The following FAM13A variants were observed in gnomAD, a reference collection of about 807,000 sequenced individuals.
FAM13A encodes the protein protein FAM13A.
FAM13A carries 76 observed loss-of-function variants against 129.6 expected under a neutral mutation model. The ratio of observed to expected loss-of-function variants is 0.59; its 90% confidence interval spans 0.49 to 0.71. The LOEUF is 0.71. FAM13A is among the 30% of genes least tolerant of loss of function. FAM13A has a pLI of 0.00. For synonymous variants in FAM13A, 443 were observed against 449.9 expected (o/e 0.98, Z 0.20); for missense variants, 1,108 against 1,249.3 (o/e 0.89, Z 1.70).
intron 4 of FAM13A, among the ~76,000 whole-genome samples, chr4:88,969,926 G>T (rs1358718101): frequency 1.3e-5 from 2 of 152,052 alleles, no homozygotes; most frequent in Non-Finnish European, 2.9e-5. Flanking sequence ...CTCTCTGTAG[G>T]GCTGACTTCT....
At chr4:88,754,310 A>G (rs1743202638) in intron 14 of FAM13A, among the ~76,000 whole-genome samples, 1 of 152,204 alleles carries the variant, frequency 6.6e-6, no homozygotes, top group African/African-American at 2.4e-5. Context: ...TCCAGTTCAG[A>G]CACTATAGTA....
chr4:88,773,665 T>C (rs1426060617), intron 11 of FAM13A, among the ~76,000 whole-genome samples: 1 of 152,138 alleles, frequency 6.6e-6, no homozygotes, highest in Non-Finnish European at 1.5e-5. Flanking sequence ...ACTCAGTCCT[T>C]TGGTGTCAGC....
chr4:88,844,711 T>TCCTA (rs1471556243), intron 7 of FAM13A, among the ~76,000 whole-genome samples: 1 of 152,112 alleles, frequency 6.6e-6, no homozygotes, highest in East Asian at 1.9e-4. Context: ...CCTTGTAGGC[T>TCCTA]AGGCACAAGA....
chr4:88,925,454 G>A (rs561045354), intron 5 of FAM13A, among the ~76,000 whole-genome samples: 1 of 150,140 alleles, frequency 6.7e-6, no homozygotes, highest in South Asian at 2.1e-4. Context: ...CTATCGCAAG[G>A]ACAAAAAACC....
chr4:88,839,968 A>G (rs1735540733), intron 7 of FAM13A, among the ~76,000 whole-genome samples: 1 of 152,242 alleles, frequency 6.6e-6, no homozygotes, highest in Admixed American at 6.5e-5. Context: ...TTAAAATCAC[A>G]GAACTGAATG....
At chr4:88,911,478 C>A (rs1209742271) in intron 5 of FAM13A, among the ~76,000 whole-genome samples, 3 of 152,184 alleles carry the variant, frequency 2.0e-5, no homozygotes, top group Non-Finnish European at 4.4e-5. Context: ...TTCTCAAACC[C>A]CTTTCTTTCC....
chr4:88,779,146 G>C (rs1406105759), intron 11 of FAM13A, among the ~76,000 whole-genome samples: 1 of 152,080 alleles, frequency 6.6e-6, no homozygotes, highest in African/African-American at 2.4e-5. Flanking sequence ...GTAAGCTCCA[G>C]GAAGGCAGGA....
At chr4:88,821,135 A>G (rs996775263) in intron 7 of FAM13A, among the ~76,000 whole-genome samples, 6 of 152,210 alleles carry the variant, frequency 3.9e-5, no homozygotes, top group African/African-American at 1.4e-4. Flanking sequence ...AAGGGCGGGA[A>G]AGTTTTCTAC....
At chr4:88,806,444 T>C (rs776384185) in intron 7 of FAM13A, among the ~76,000 whole-genome samples, 3 of 152,162 alleles carry the variant, frequency 2.0e-5, no homozygotes, top group Non-Finnish European at 4.4e-5. Flanking sequence ...GTATTAAACT[T>C]GCAGTCAATA....
At chr4:88,753,691 T>C (rs1743088042) in intron 14 of FAM13A, 1 of 757,938 alleles carries the variant, frequency 1.3e-6, no homozygotes, top group Non-Finnish European at 1.6e-6. Flanking sequence ...TCAAAAGAGT[T>C]ATAAAATGAC....
chr4:88,879,880 A>G (rs1743239064), intron 6 of FAM13A, among the ~76,000 whole-genome samples: 1 of 152,218 alleles, frequency 6.6e-6, no homozygotes, highest in Non-Finnish European at 1.5e-5. Flanking sequence ...AGCCATTAAG[A>G]TAATGGGATT....
chr4:88,847,320 A>G (rs879694528), intron 7 of FAM13A, among the ~76,000 whole-genome samples: 1 of 152,076 alleles, frequency 6.6e-6, no homozygotes, highest in Non-Finnish European at 1.5e-5. Context: ...GAGCTCAGGA[A>G]GTCAAGGCTG....
intron 5 of FAM13A, among the ~76,000 whole-genome samples, chr4:88,934,026 C>T (rs1193621858): frequency 6.6e-6 from 1 of 152,046 alleles, no homozygotes; most frequent in African/African-American, 2.4e-5. Context: ...CTCATCAGAC[C>T]AGGTATATTC....
intron 13 of FAM13A, among the ~76,000 whole-genome samples, chr4:88,765,716 T>A (rs1745605738): frequency 6.6e-6 from 1 of 152,188 alleles, no homozygotes; most frequent in Admixed American, 6.5e-5. Flanking sequence ...ATCATCCCAA[T>A]CTTGTGGAAT....
intron 19 of FAM13A, among the ~76,000 whole-genome samples, chr4:88,740,983 C>T (rs575643097): frequency 1.6e-4 from 24 of 152,276 alleles, no homozygotes; most frequent in East Asian, 3.9e-4. Context: ...AGATGTCACC[C>T]GCTACACACC....
intron 7 of FAM13A, among the ~76,000 whole-genome samples, chr4:88,816,258 C>T (rs940588020): frequency 5.3e-5 from 8 of 152,138 alleles, no homozygotes; most frequent in South Asian, 4.1e-4. Flanking sequence ...TCAAATACTC[C>T]GCAATGTAAA....
chr4:88,751,627 C>G lies in FAM13A; in HGVS notation c.1727-990G>C, dbSNP rs750506356. Reference sequence around the variant, plus strand: ...GATAATCTGTTAAAAAAAAAAAAAACACGCTCAGCACAAAATCTTGATCTG... The same window carrying G: ...GATAATCTGTTAAAAAAAAAAAAAAGACGCTCAGCACAAAATCTTGATCTG... On this transcript the variant is annotated intron_variant, in intron 14 of 23. Transcript: ENST00000264344. Among the ~76,000 whole-genome samples the G allele has an allele frequency of 2.3e-3, 334 of 146,506 alleles. 1 individual carries two copies. The highest frequency in any genetic ancestry group is 3.1e-3 in the Non-Finnish European group (210 of 66,892).
Position 89,020,616 on chromosome 4 carries a change from G to T in FAM13A, c.271C>A (p.Gln91Lys), listed in dbSNP as rs1262513045. The change falls in exon 3 of 24, where the codon CAA becomes AAA. Residue 91 changes from glutamine to lysine, a missense_variant. By Grantham distance (53) the Gln-to-Lys change is moderately conservative. Transcript: ENST00000264344. ...RVNGNVKVVEQLRLKFESGVP... is the reference protein window; with the variant it reads ...RVNGNVKVVEKLRLKFESGVP... ...CCACTCTCGAACTTCAGTCGAAGTTGTTCCACCACCTTCACGTTACCATTC... is the reference window on the plus strand; with the variant it reads ...CCACTCTCGAACTTCAGTCGAAGTTTTTCCACCACCTTCACGTTACCATTC... 3.7e-6 allele frequency: 6 copies of T among 1,614,128 alleles called. No homozygotes were observed. Among genetic ancestry groups the T allele is most frequent in the Non-Finnish European group, 5.1e-6 (6 of 1,180,024 alleles).
At chr4:88,749,398 C>T (rs796175270) in intron 16 of FAM13A, among the ~76,000 whole-genome samples, 22 of 152,262 alleles carry the variant, frequency 1.4e-4, no homozygotes, top group African/African-American at 4.8e-4. Context: ...GCCTTTTTGC[C>T]ACTCTTGTGG....
Sources: gnomAD v4.1 joint callset for allele counts (sites outside exome capture counted in the v4.1 genomes callset) on GRCh38, gnomAD v4.1.1 for gene constraint, MANE v1.5 for transcripts, NCBI Gene and HGNC (gene_info 2026-07-23, HGNC 2026-07-21) for gene names.